NRXN3: variants seen among roughly 807,000 people sequenced by gnomAD.
NRXN3 encodes neurexin 3.
Under a neutral mutation model 137.6 loss-of-function variants are expected in NRXN3, and 32 were observed. The observed-to-expected ratio is 0.23, with a 90% CI of 0.18 to 0.31. The LOEUF is 0.31. Ranked by LOEUF, NRXN3 falls within the 10% of genes least tolerant of loss-of-function variation. The pLI is 1.00. For missense variants in NRXN3, 1,574 were observed against 2,062.5 expected, an observed-to-expected ratio of 0.76 and a Z score of 4.59; for synonymous variants, 798 against 784.5, an observed-to-expected ratio of 1.02 and a Z score of -0.29.
At chr14:78,872,457 T>C (rs935046144) in intron 10 of NRXN3, among the ~76,000 whole-genome samples, 1 of 151,682 alleles carries the variant, frequency 6.6e-6, no homozygotes, top group Non-Finnish European at 1.5e-5. Flanking sequence ...TGTATCTCTT[T>C]TTTATTCCAT....
chr14:79,353,309 G>A (rs2093296667), intron 15 of NRXN3, among the ~76,000 whole-genome samples: 1 of 151,878 alleles, frequency 6.6e-6, no homozygotes, highest in Admixed American at 6.6e-5. Context: ...AAACTATTCT[G>A]AATATGGAAA....
At chr14:79,100,984 A>G (rs1001261384) in intron 15 of NRXN3, among the ~76,000 whole-genome samples, 4 of 152,254 alleles carry the variant, frequency 2.6e-5, no homozygotes, top group Non-Finnish European at 4.4e-5. Context: ...ATAGTGGTTC[A>G]TAATTAATAA....
chr14:79,496,495 G>A (rs1224107792), intron 16 of NRXN3, among the ~76,000 whole-genome samples: 1 of 152,116 alleles, frequency 6.6e-6, no homozygotes, highest in Non-Finnish European at 1.5e-5. Flanking sequence ...TTGGTGAATT[G>A]GAAGGATTTT....
intron 10 of NRXN3, among the ~76,000 whole-genome samples, chr14:78,901,691 T>C (rs1405652756): frequency 6.6e-6 from 1 of 152,018 alleles, no homozygotes; most frequent in Non-Finnish European, 1.5e-5. Flanking sequence ...TCCTGGTCAC[T>C]TTCCTTCCTT....
rs112430332 is a variant in NRXN3, at chr14:79,736,822, C to T, written c.4014+38885C>T. The stretch of plus-strand genomic sequence containing the variant: ...AGACATGCAAGCCCTGCCTCAGCTT[C>T]TCTCCCAACACTCAGCTTTTCTCCA... On this transcript the variant is annotated intron_variant, in intron 19 of 20. Coordinates refer to ENST00000335750, the MANE Select transcript of NRXN3 (RefSeq NM_001330195.2). 3.3e-3 allele frequency among the ~76,000 whole-genome samples: 506 copies of T among 152,294 alleles called. 1 individual carries two copies. Among genetic ancestry groups the T allele is most frequent in the African/African-American group, 0.011 (457 of 41,570 alleles).
intron 15 of NRXN3, among the ~76,000 whole-genome samples, chr14:79,187,996 T>A (rs2063742580): frequency 6.6e-6 from 1 of 151,966 alleles, no homozygotes; most frequent in African/African-American, 2.4e-5. Context: ...GTAACATTGG[T>A]AGGTTTTGTT....
chr14:79,608,863 A>G (rs1283418361), intron 16 of NRXN3, among the ~76,000 whole-genome samples: 4 of 151,904 alleles, frequency 2.6e-5, no homozygotes, highest in Non-Finnish European at 5.9e-5. Context: ...AAAAGTGTTT[A>G]TTGACGAGCC....
At chr14:79,252,047 G>T (rs1344744988) in intron 15 of NRXN3, among the ~76,000 whole-genome samples, 1 of 151,978 alleles carries the variant, frequency 6.6e-6, no homozygotes, top group Non-Finnish European at 1.5e-5. Context: ...CTTTCTGATA[G>T]TACCTTTATC....
chr14:79,639,012 C>A (rs576043244), intron 16 of NRXN3, among the ~76,000 whole-genome samples: 1 of 152,274 alleles, frequency 6.6e-6, no homozygotes, highest in South Asian at 2.1e-4. Flanking sequence ...GCCCTTTCAT[C>A]TCTCTGTAAT....
At chr14:79,251,293 C>T (rs534707853) in intron 15 of NRXN3, among the ~76,000 whole-genome samples, 35 of 152,184 alleles carry the variant, frequency 2.3e-4, no homozygotes, top group African/African-American at 8.2e-4. Context: ...CAAAGAGGTA[C>T]TAGGGAATGA....
At chr14:78,693,669 GTGT>G (rs2098196242) in intron 6 of NRXN3, among the ~76,000 whole-genome samples, 1 of 100,140 alleles carries the variant, frequency 1.0e-5, no homozygotes, top group Non-Finnish European at 1.9e-5. Context: ...GTGTGTGTGT[GTGT>G]GTGTGTGTGT....
intron 15 of NRXN3, among the ~76,000 whole-genome samples, chr14:79,228,415 T>G (rs1208382570): frequency 6.6e-6 from 1 of 152,172 alleles, no homozygotes; most frequent in East Asian, 1.9e-4. Context: ...AAAAGTGCAT[T>G]AGGTTTAGAT....
chr14:79,607,833 C>T (rs1270537521), intron 16 of NRXN3, among the ~76,000 whole-genome samples: 2 of 152,020 alleles, frequency 1.3e-5, no homozygotes, highest in East Asian at 3.9e-4. Flanking sequence ...CATGTGCCAC[C>T]ATGCCCGGCT....
chr14:78,550,957 C>A (rs1256712080), intron 4 of NRXN3, among the ~76,000 whole-genome samples: 1 of 152,188 alleles, frequency 6.6e-6, no homozygotes, highest in Non-Finnish European at 1.5e-5. Flanking sequence ...GGTTCAAACT[C>A]TGGACCTGAC....
chr14:79,076,403 C>A (rs1217861951), intron 15 of NRXN3, among the ~76,000 whole-genome samples: 1 of 152,096 alleles, frequency 6.6e-6, no homozygotes, highest in Non-Finnish European at 1.5e-5. Flanking sequence ...AGGCTGCAAC[C>A]GAGGTGACAG....
intron 15 of NRXN3, among the ~76,000 whole-genome samples, chr14:79,337,504 T>G (rs1372751787): frequency 6.6e-6 from 1 of 152,212 alleles, no homozygotes; most frequent in African/African-American, 2.4e-5. Flanking sequence ...CCATGCAGTA[T>G]AATCTGTTTC....
chr14:79,132,756 T>C lies in NRXN3; in HGVS notation c.3262+144615T>C, dbSNP rs79645386. ...AGTTCCCTAGGAACAGACTCTGAGA[T>C]TGAGTTTAGCATGCCACATAATTTT... is the stretch of plus-strand genomic sequence containing the variant. On this transcript the variant is annotated intron_variant, in intron 15 of 20. Transcript: ENST00000335750. Among the ~76,000 whole-genome samples, 383 of 152,268 alleles carry C rather than the reference T, an allele frequency of 2.5e-3. 3 individuals carry two copies. The highest frequency in any genetic ancestry group is 8.3e-3 in the African/African-American group (347 of 41,560).
intron 19 of NRXN3, among the ~76,000 whole-genome samples, chr14:79,793,200 G>A (rs970140847): frequency 2.0e-5 from 3 of 152,062 alleles, no homozygotes; most frequent in Admixed American, 2.0e-4. Flanking sequence ...GGGAGGCCGA[G>A]GCGGGCGGAT....
At chr14:79,551,307 G>A (rs925284277) in intron 16 of NRXN3, among the ~76,000 whole-genome samples, 1 of 152,100 alleles carries the variant, frequency 6.6e-6, no homozygotes, top group Non-Finnish European at 1.5e-5. Context: ...GAGGGAGAAG[G>A]AGCATGAGAG....
Sources: allele counts gnomAD v4.1 joint callset (sites outside exome capture counted in the v4.1 genomes callset), GRCh38; gene constraint gnomAD v4.1.1; transcripts MANE v1.5; gene names NCBI Gene and HGNC (gene_info 2026-07-23, HGNC 2026-07-21).